ASAH2: variants seen among roughly 807,000 people sequenced by gnomAD.
ASAH2 encodes the protein neutral ceramidase.
Under a neutral mutation model 82.9 loss-of-function variants are expected in ASAH2, and 58 were observed. The observed-to-expected ratio is 0.70, with a 90% CI of 0.57 to 0.87. ASAH2 has a LOEUF of 0.87. Ranked by LOEUF, ASAH2 falls within the 40% of genes least tolerant of loss-of-function variation. The pLI is 0.00. For missense variants in ASAH2, 779 were observed against 834.0 expected (o/e 0.93, Z 0.81); for synonymous variants, 276 against 289.7 (o/e 0.95, Z 0.48).
At chr10:50,204,204 T>A (rs930208645) in intron 14 of ASAH2, among the ~76,000 whole-genome samples, 2 of 151,920 alleles carry the variant, frequency 1.3e-5, no homozygotes, top group African/African-American at 4.8e-5. Flanking sequence ...TATTATTTAA[T>A]TTATACTTTA....
At chr10:50,201,912 T>A (rs987888172) in intron 16 of ASAH2, among the ~76,000 whole-genome samples, 2 of 152,142 alleles carry the variant, frequency 1.3e-5, no homozygotes, top group African/African-American at 4.8e-5. Flanking sequence ...CTGCAATCAC[T>A]GTATGTGATA....
At chr10:50,240,383 C>T in intron 4 of ASAH2, 1 of 697,880 alleles carries the variant, frequency 1.4e-6, no homozygotes. Flanking sequence ...ACTGGACCCT[C>T]ACCAATAAAG....
rs1564838349 is a variant in ASAH2 at position 50,210,825 on chromosome 10, T to C, written c.1412A>G (p.Gln471Arg). Residue 471 changes from glutamine to arginine, a missense_variant and splice_region_variant, in exon 12 of 21, where the codon CAG becomes CGG. Physicochemically the swap from Gln to Arg is conservative, Grantham distance 43. Around this residue, in one of 3 missense-constraint regions of ASAH2, gnomAD observed 759 missense variants for 755.2 expected, o/e 1.00. Transcript: ENST00000682911. ...GATTTTACTGGACTTCACCTTACCC[T>C]GTGTAAAATTGAGGCCTCCAACTCC... ...IDGVGGLNFT[Q>R]GKTEGDPFWD... 1.9e-6 allele frequency: 3 copies of C among 1,608,590 alleles called. No individual in the cohort carries two copies. The highest frequency in any genetic ancestry group is 1.1e-5 in the South Asian group (1 of 90,976).
intron 13 of ASAH2, 96 bp from the exon 14 acceptor site, chr10:50,205,051 T>A: frequency 1.2e-6 from 1 of 812,488 alleles, no homozygotes; most frequent in South Asian, 1.9e-5. Flanking sequence ...AGTTTCTAAT[T>A]TATGATGTAG....
In ASAH2 at chr10:50,199,291, G is replaced by C. The variant is rs1845078725; in HGVS notation, c.1762-145C>G. On this transcript the variant is annotated intron_variant, in intron 16 of 20. Transcript: ENST00000682911. ...CTTCAAGATTATGTATGACAAAAGA[G>C]GATGGGCATTTCCATTTACTGGCCA... is the stretch of plus-strand genomic sequence containing the variant. 4 of 799,740 alleles carry C rather than the reference G, an allele frequency of 5.0e-6. No individual in the cohort carries two copies. In the Admixed American group the frequency reaches 8.3e-5, roughly 17 times the overall value. 49.5% of individuals were successfully genotyped at this position (799,740 alleles called of 1,614,324 possible). A position where few individuals can be genotyped will look rare whatever the true frequency, so the allele number is the denominator to read the frequency against.
intron 4 of ASAH2, chr10:50,240,508 T>G: frequency 1.4e-6 from 1 of 702,252 alleles, no homozygotes; most frequent in Admixed American, 2.0e-5. Context: ...AAAATGGTGT[T>G]TACATCACTC....
At chr10:50,241,094 G>A (rs887150433) in intron 4 of ASAH2, among the ~76,000 whole-genome samples, 1 of 152,190 alleles carries the variant, frequency 6.6e-6, no homozygotes, top group Non-Finnish European at 1.5e-5. Context: ...GAGGAACTGA[G>A]GCCTTTGGCC....
intron 16 of ASAH2, among the ~76,000 whole-genome samples, chr10:50,200,162 C>T (rs1845101808): frequency 1.3e-5 from 2 of 151,784 alleles, no homozygotes; most frequent in East Asian, 3.9e-4. Flanking sequence ...TGCCTATACA[C>T]AAGCCCTTCC....
intron 16 of ASAH2, 67 bp downstream of exon 16, chr10:50,202,762 C>T (rs1845186669): frequency 3.6e-6 from 4 of 1,097,166 alleles, no homozygotes. Flanking sequence ...CAAAGCAAGT[C>T]TGCATTTGAC....
chr10:50,234,624 A>C, intron 5 of ASAH2, 72 bp from the exon 6 acceptor site: 4 of 1,602,196 alleles, frequency 2.5e-6, no homozygotes, highest in Non-Finnish European at 3.4e-6. Context: ...AGTCAATATA[A>C]ACAGAAGAGC....
chr10:50,219,742 G>A (rs1845695034), intron 7 of ASAH2, among the ~76,000 whole-genome samples: 1 of 152,186 alleles, frequency 6.6e-6, no homozygotes, highest in Non-Finnish European at 1.5e-5. Flanking sequence ...AGTTCTTATT[G>A]CCTATCAGAA....
chr10:50,211,944 T>C (rs1845463741), intron 10 of ASAH2, among the ~76,000 whole-genome samples: 1 of 152,118 alleles, frequency 6.6e-6, no homozygotes, highest in South Asian at 2.1e-4. Context: ...TCTCTATGAC[T>C]CTCCGGCTCA....
At chr10:50,194,812 A>T (rs1844931795) in intron 18 of ASAH2, among the ~76,000 whole-genome samples, 1 of 151,792 alleles carries the variant, frequency 6.6e-6, no homozygotes, top group South Asian at 2.1e-4. Flanking sequence ...CACAATGGGG[A>T]AGTGACAGTC....
chr10:50,249,661 G>A (rs762741513), intron 1 of ASAH2, among the ~76,000 whole-genome samples: 2 of 152,160 alleles, frequency 1.3e-5, no homozygotes, highest in Non-Finnish European at 2.9e-5. Flanking sequence ...AAAATAAGAT[G>A]AGATGAAGCA....
At chr10:50,212,166 T>G (rs931395618) in intron 10 of ASAH2, among the ~76,000 whole-genome samples, 1 of 148,166 alleles carries the variant, frequency 6.7e-6, no homozygotes, top group Non-Finnish European at 1.5e-5. Context: ...TTAGAACCCT[T>G]GGAATAAACT....
At chr10:50,200,144 C>T (rs1207427251) in intron 16 of ASAH2, among the ~76,000 whole-genome samples, 3 of 151,742 alleles carry the variant, frequency 2.0e-5, no homozygotes, top group African/African-American at 7.3e-5. Flanking sequence ...GCTTCTTAAT[C>T]AGTCCTCTGC....
intron 4 of ASAH2, among the ~76,000 whole-genome samples, chr10:50,238,851 C>G (rs1243193116): frequency 6.6e-6 from 1 of 152,112 alleles, no homozygotes; most frequent in Admixed American, 6.5e-5. Flanking sequence ...AAACGGTACA[C>G]AGGAATTTTA....
chr10:50,233,177 A>G lies in ASAH2; in HGVS notation c.893+7T>C. On this transcript the variant is annotated splice_region_variant and intron_variant, in intron 7 of 20. Transcript: ENST00000682911. ...ACAGAATTATTTTTAAAAAGGAAAT[A>G]CAGTACCTGATAAGGCCCAAGTCAT... 1 of 1,592,422 alleles carries G rather than the reference A, an allele frequency of 6.3e-7. No individual in the cohort carries two copies.
intron 7 of ASAH2, among the ~76,000 whole-genome samples, chr10:50,226,474 A>G (rs1271403121): frequency 2.6e-5 from 4 of 152,158 alleles, no homozygotes; most frequent in African/African-American, 9.6e-5. Flanking sequence ...TAGAAAATAT[A>G]TAAAAGAAAA....
Sources: gnomAD v4.1 joint callset for allele counts (sites outside exome capture counted in the v4.1 genomes callset) on GRCh38, gnomAD v4.1.1 for gene constraint, gnomAD v4.1.1 regional missense constraint, MANE v1.5 for transcripts, NCBI Gene and HGNC (gene_info 2026-07-23, HGNC 2026-07-21) for gene names.